The following STK3 variants were observed in gnomAD, a reference collection of about 807,000 sequenced individuals.
The protein encoded by STK3 is serine/threonine kinase 3, also known as serine/threonine-protein kinase 3.
In STK3, 41 loss-of-function variants were observed where a neutral mutation model predicts 58.0. The observed-to-expected ratio is 0.71, with a 90% confidence interval of 0.55 to 0.92. The LOEUF (loss-of-function observed/expected upper bound fraction) is 0.92, where lower values mean the gene tolerates loss of function less well. Ranked by LOEUF, STK3 falls within the 40% of genes least tolerant of loss-of-function variation. STK3 has a pLI of 0.00. For synonymous variants in STK3, 170 were observed against 191.0 expected, an observed-to-expected ratio of 0.89 and a Z score of 0.91; for missense variants, 479 against 602.7, an observed-to-expected ratio of 0.79 and a Z score of 2.15.
At chr8:98,732,419 G>A (rs1828276679) in intron 4 of STK3, among the ~76,000 whole-genome samples, 1 of 152,142 alleles carries the variant, frequency 6.6e-6, no homozygotes, top group South Asian at 2.1e-4. Flanking sequence ...ACAGCCATTA[G>A]CAACACTAGA....
At chr8:98,432,775 G>T (rs1818355166) in intron 3 of STK3, 1 of 166,928 alleles carries the variant, frequency 6.0e-6, no homozygotes, top group Non-Finnish European at 1.5e-5. Flanking sequence ...TAAAATTGAG[G>T]ATGCCATATT....
At chr8:98,847,269 T>G (rs1836242529) in intron 3 of STK3, among the ~76,000 whole-genome samples, 1 of 152,188 alleles carries the variant, frequency 6.6e-6, no homozygotes, top group African/African-American at 2.4e-5. Context: ...ACAAAACCTC[T>G]TATTTGAAAA....
chr8:98,586,321 T>G (rs1814588781), intron 7 of STK3, among the ~76,000 whole-genome samples: 1 of 152,216 alleles, frequency 6.6e-6, no homozygotes, highest in Non-Finnish European at 1.5e-5. Flanking sequence ...GGTTGAATTT[T>G]GTCAAAGGCC....
At chr8:98,426,299 G>A (rs558330494) in intron 3 of STK3, among the ~76,000 whole-genome samples, 1 of 152,168 alleles carries the variant, frequency 6.6e-6, no homozygotes, top group Non-Finnish European at 1.5e-5. Flanking sequence ...CCCCTGTGCC[G>A]ACGCATCTTC....
chr8:98,721,762 A>G (rs183265427), intron 4 of STK3, among the ~76,000 whole-genome samples: 1 of 152,136 alleles, frequency 6.6e-6, no homozygotes, highest in South Asian at 2.1e-4. Flanking sequence ...CAAATATAAA[A>G]TTACCCCAGG....
chr8:98,780,289 T>C (rs1326195303), intron 1 of STK3, among the ~76,000 whole-genome samples: 1 of 152,074 alleles, frequency 6.6e-6, no homozygotes. Flanking sequence ...TTCCCACAGT[T>C]CCATCAATAG....
chr8:98,941,048 C>T (rs1236659611), intron 1 of STK3, among the ~76,000 whole-genome samples: 1 of 152,190 alleles, frequency 6.6e-6, no homozygotes, highest in African/African-American at 2.4e-5. Context: ...TGGCCAAGCC[C>T]TCACGCAGCG....
chr8:98,648,012 A>AT (rs780543385), intron 6 of STK3, among the ~76,000 whole-genome samples: 1 of 152,198 alleles, frequency 6.6e-6, no homozygotes, highest in African/African-American at 2.4e-5. Flanking sequence ...ATACAAGCCT[A>AT]TAAAACTACT....
At chr8:98,756,197 C>T (rs987891834) in intron 3 of STK3, among the ~76,000 whole-genome samples, 1 of 150,834 alleles carries the variant, frequency 6.6e-6, no homozygotes, top group South Asian at 2.1e-4. Context: ...AAAGAACCAA[C>T]GAATAAATAA....
At chr8:98,804,360 T>G (rs1833777628) in intron 1 of STK3, among the ~76,000 whole-genome samples, 1 of 152,212 alleles carries the variant, frequency 6.6e-6, no homozygotes, top group Non-Finnish European at 1.5e-5. Flanking sequence ...ACTACGATAT[T>G]CTCAGTTTTT....
chr8:98,664,396 T>C (rs879376954), intron 6 of STK3, among the ~76,000 whole-genome samples: 5 of 152,198 alleles, frequency 3.3e-5, no homozygotes, highest in East Asian at 1.9e-4. Flanking sequence ...TCGGATCTCA[T>C]AGGGTTAACT....
At chr8:98,896,285 C>T (rs1838442804) in intron 1 of STK3, among the ~76,000 whole-genome samples, 1 of 152,194 alleles carries the variant, frequency 6.6e-6, no homozygotes, top group South Asian at 2.1e-4. Flanking sequence ...CCCTCCATTG[C>T]TTAAAGCAGT....
intron 7 of STK3, among the ~76,000 whole-genome samples, chr8:98,590,225 C>G (rs1441297044): frequency 6.6e-6 from 1 of 152,196 alleles, no homozygotes; most frequent in African/African-American, 2.4e-5. Context: ...GTTATGAGTG[C>G]TTCCAGGTGG....
At chr8:98,710,173 G>A (rs1205638257) in intron 4 of STK3, among the ~76,000 whole-genome samples, 4 of 152,072 alleles carry the variant, frequency 2.6e-5, no homozygotes, top group Admixed American at 2.0e-4. Flanking sequence ...GAGACAAGAC[G>A]GCTGAATAGG....
intron 1 of STK3, among the ~76,000 whole-genome samples, chr8:98,902,754 C>G (rs541227150): frequency 3.5e-4 from 54 of 152,362 alleles, no homozygotes; most frequent in African/African-American, 1.2e-3. Flanking sequence ...CTTCCCATTG[C>G]ACTTAATAAT....
At chr8:98,705,202 C>T (rs1400965104) in intron 6 of STK3, among the ~76,000 whole-genome samples, 1 of 152,152 alleles carries the variant, frequency 6.6e-6, no homozygotes, top group African/African-American at 2.4e-5. Flanking sequence ...GGGCGGATCG[C>T]TTGAGCCCAG....
At chr8:98,517,430 G>C (rs1042092782) in intron 10 of STK3, among the ~76,000 whole-genome samples, 1 of 152,028 alleles carries the variant, frequency 6.6e-6, no homozygotes, top group African/African-American at 2.4e-5. Flanking sequence ...GGAGGAAAAG[G>C]TGTCAGCATT....
chr8:98,891,379 A>T (rs553191526), intron 1 of STK3, among the ~76,000 whole-genome samples: 52 of 152,350 alleles, frequency 3.4e-4, no homozygotes, highest in Middle Eastern at 3.4e-3. Flanking sequence ...AACACTCTTT[A>T]TGTGCAACAT....
intron 6 of STK3, among the ~76,000 whole-genome samples, chr8:98,668,907 T>C (rs1822567442): frequency 6.6e-6 from 1 of 152,028 alleles, no homozygotes; most frequent in South Asian, 2.1e-4. Flanking sequence ...GTGTTTTCTG[T>C]ATAATTCCAA....
Sources: allele counts gnomAD v4.1 joint callset (sites outside exome capture counted in the v4.1 genomes callset), GRCh38; gene constraint gnomAD v4.1.1; transcripts MANE v1.5; gene names NCBI Gene and HGNC (gene_info 2026-07-23, HGNC 2026-07-21).